Variants in DDX60 observed in about 807,000 individuals in gnomAD.
DDX60 encodes the protein probable ATP-dependent RNA helicase DDX60.
A neutral mutation model predicts 212.8 loss-of-function variants in DDX60; 165 were observed. The ratio of observed to expected loss-of-function variants is 0.78; its 90% CI spans 0.68 to 0.88. The LOEUF (loss-of-function observed/expected upper bound fraction) is 0.88, where lower values mean the gene tolerates loss of function less well. Ranked by LOEUF, DDX60 falls within the 40% of genes least tolerant of loss-of-function variation. The pLI, the probability that DDX60 is intolerant of heterozygous loss-of-function variation, is 0.00. For synonymous variants in DDX60, 703 were observed against 685.3 expected, an observed-to-expected ratio of 1.03 and a Z score of -0.40; for missense variants, 1,905 against 2,003.9, an observed-to-expected ratio of 0.95 and a Z score of 0.94.
chr4:168,290,233 A>G (rs587716), intron 8 of DDX60, among the ~76,000 whole-genome samples: 5,193 of 151,622 alleles, frequency 0.034, 175 homozygotes, highest in African/African-American at 0.086. Flanking sequence ...CCTACAATCC[A>G]GTTTCATCCT....
At chr4:168,312,486 T>A (rs1035948358) in intron 1 of DDX60, among the ~76,000 whole-genome samples, 7 of 152,038 alleles carry the variant, frequency 4.6e-5, no homozygotes, top group Non-Finnish European at 7.4e-5. Context: ...AAAACCCACA[T>A]TTGAAGATAC....
chr4:168,242,505 G>C (rs901484877), intron 30 of DDX60, among the ~76,000 whole-genome samples: 1 of 152,214 alleles, frequency 6.6e-6, no homozygotes, highest in Non-Finnish European at 1.5e-5. Flanking sequence ...GTGAGACATG[G>C]AGTCAAAGGA....
chr4:168,273,257 C>T (rs201503441), intron 18 of DDX60, 22 bp downstream of exon 18: 49 of 1,605,906 alleles, frequency 3.1e-5, no homozygotes, highest in Non-Finnish European at 8.5e-7. Flanking sequence ...TGATAACACA[C>T]TTATTAATTA....
intron 6 of DDX60, among the ~76,000 whole-genome samples, chr4:168,295,850 T>C (rs1241970170): frequency 6.6e-6 from 1 of 152,120 alleles, no homozygotes; most frequent in Non-Finnish European, 1.5e-5. Context: ...AATCCTGTCA[T>C]TTTCAACAAC....
intron 6 of DDX60, among the ~76,000 whole-genome samples, chr4:168,300,580 A>ATGTGTGTG (rs59696275): frequency 0.036 from 5,249 of 146,358 alleles, 281 homozygotes; most frequent in African/African-American, 0.12. Context: ...TAACACCAGA[A>ATGTGTGTG]TGTGTGTGTG....
At chr4:168,245,348 C>G (rs1458368584) in intron 30 of DDX60, among the ~76,000 whole-genome samples, 1 of 152,160 alleles carries the variant, frequency 6.6e-6, no homozygotes, top group Non-Finnish European at 1.5e-5. Flanking sequence ...CGGAAACAAT[C>G]TTAGTTTGAT....
Position 168,231,451 on chromosome 4 carries a change from C to A in DDX60, c.4533+4801G>T, listed in dbSNP as rs117036339. ...GACCAATATCTCTGATGAACATAAA[C>A]GCAAAAACCCTCAACAAAATACTAG... On this transcript the variant is annotated intron_variant, in intron 33 of 37. Coordinates refer to ENST00000393743, the MANE Select transcript of DDX60 (RefSeq NM_017631.6). 8.6e-4 allele frequency among the ~76,000 whole-genome samples: 129 copies of A among 150,162 alleles called. 1 individual carries two copies. In the East Asian group the frequency reaches 0.019, roughly 22 times the overall value.
At chr4:168,325,331 T>A in the DDX60 span, among the ~76,000 whole-genome samples, 5 of 152,274 alleles carry the variant, frequency 3.3e-5, no homozygotes, top group African/African-American at 1.2e-4. Flanking sequence ...AAAGCCCAGA[T>A]AATTGCATGC....
intron 10 of DDX60, among the ~76,000 whole-genome samples, chr4:168,286,460 C>T (rs1350616860): frequency 7.6e-6 from 1 of 131,172 alleles, no homozygotes; most frequent in Non-Finnish European, 1.6e-5. Flanking sequence ...ATAGATATTA[C>T]ATATCAAGTA....
chr4:168,302,450 TAAATA>T, intron 5 of DDX60, 34 bp from the exon 6 acceptor site: 1 of 931,510 alleles, frequency 1.1e-6, no homozygotes, highest in Non-Finnish European at 1.5e-6. Flanking sequence ...AAAGTTGTTA[TAAATA>T]AAATATGTAA....
chr4:168,251,197 AT>A, intron 27 of DDX60, 91 bp from the exon 28 acceptor site: 1 of 1,280,686 alleles, frequency 7.8e-7, no homozygotes, highest in Non-Finnish European at 1.1e-6. Flanking sequence ...CTATGTAATA[AT>A]TTGGCTAAAC....
chr4:168,273,656 G>T (rs1258336688), intron 17 of DDX60, among the ~76,000 whole-genome samples: 5 of 151,978 alleles, frequency 3.3e-5, no homozygotes, highest in African/African-American at 1.2e-4. Flanking sequence ...AACAGAAAAT[G>T]TTGCCTATAT....
At chr4:168,273,181 T>C in intron 18 of DDX60, 98 bp downstream of exon 18, 1 of 1,201,612 alleles carries the variant, frequency 8.3e-7, no homozygotes, top group Non-Finnish European at 1.2e-6. Flanking sequence ...AATAAATTAT[T>C]TTCACAAGCC....
At chr4:168,300,965 G>T (rs181097685) in intron 6 of DDX60, among the ~76,000 whole-genome samples, 1 of 152,140 alleles carries the variant, frequency 6.6e-6, no homozygotes, top group Non-Finnish European at 1.5e-5. Context: ...GAGTCAGGGG[G>T]AGTGATGGTT....
At chr4:168,289,464 C>T (rs569958122) in intron 8 of DDX60, among the ~76,000 whole-genome samples, 46 of 152,288 alleles carry the variant, frequency 3.0e-4, no homozygotes, top group Admixed American at 3.3e-4. Flanking sequence ...TATTTGAACT[C>T]CCTGTCCTCA....
chr4:168,285,257 A>G, intron 11 of DDX60, 136 bp downstream of exon 11: 1 of 651,382 alleles, frequency 1.5e-6, no homozygotes, highest in Non-Finnish European at 2.6e-6. Context: ...GAAAATTTTG[A>G]TTTTAAATTC....
intron 28 of DDX60, among the ~76,000 whole-genome samples, chr4:168,250,594 C>A (rs948005387): frequency 1.1e-4 from 17 of 149,398 alleles, no homozygotes; most frequent in African/African-American, 4.2e-4. Context: ...GGCATGATCT[C>A]GGCTCACTGC....
intron 3 of DDX60, among the ~76,000 whole-genome samples, chr4:168,310,087 T>A (rs1737063914): frequency 6.6e-6 from 1 of 152,168 alleles, no homozygotes; most frequent in Admixed American, 6.5e-5. Flanking sequence ...GTCCCTGAAA[T>A]CAGGAAGTAC....
intron 25 of DDX60, among the ~76,000 whole-genome samples, chr4:168,259,814 C>G (rs1468482537): frequency 6.6e-6 from 1 of 151,598 alleles, no homozygotes; most frequent in East Asian, 1.9e-4. Context: ...ATCAGTGTAT[C>G]TGGATCAGAG....
Sources: allele counts gnomAD v4.1 joint callset (sites outside exome capture counted in the v4.1 genomes callset), GRCh38; gene constraint gnomAD v4.1.1; transcripts MANE v1.5; gene names NCBI Gene and HGNC (gene_info 2026-07-23, HGNC 2026-07-21).